Variants in SGK3 observed in about 807,000 individuals in gnomAD.
SGK3 encodes serine/threonine-protein kinase Sgk3.
In SGK3, 47 loss-of-function variants were observed where a neutral mutation model predicts 68.5. That is an observed-to-expected ratio of 0.69 (90% CI 0.54 to 0.87). SGK3 has a LOEUF of 0.87. SGK3 is among the 40% of genes least tolerant of loss of function. The pLI is 0.00. For missense variants in SGK3, 479 were observed against 575.5 expected (o/e 0.83, Z 1.72); for synonymous variants, 181 against 189.1 (o/e 0.96, Z 0.35).
chr8:66,839,521 A>G (rs1464849799), intron 10 of SGK3, among the ~76,000 whole-genome samples: 4 of 52,170 alleles, frequency 7.7e-5, no homozygotes, highest in African/African-American at 3.0e-4. Context: ...ATATATATAT[A>G]TATATATATA....
At chr8:66,743,830 T>C (rs1185935357) in intron 1 of SGK3, among the ~76,000 whole-genome samples, 2 of 152,238 alleles carry the variant, frequency 1.3e-5, no homozygotes, top group Non-Finnish European at 2.9e-5. Context: ...TTTTTGTACT[T>C]GTCTCTAATT....
intron 6 of SGK3, among the ~76,000 whole-genome samples, chr8:66,825,831 C>A (rs915542768): frequency 2.6e-5 from 4 of 152,106 alleles, no homozygotes; most frequent in Admixed American, 2.6e-4. Context: ...TTGTCTAATT[C>A]GATATCCTAA....
rs983014517 is a variant in SGK3, at chr8:66,822,300, T to C, written c.330-72T>C. The C allele has an allele frequency of 6.4e-6, 9 of 1,396,388 alleles. No homozygotes were observed. In the East Asian group the frequency reaches 2.1e-4, roughly 33 times the overall value. The allele number at this position is 1,396,388 out of a possible 1,614,324, so 86.5% of individuals were successfully genotyped here. Reference sequence around the variant, plus strand: ...ACTAATATAGTTATTTCTATTTTGATTTTCATTTTAAAAGGGAGAAAGGCT... The same window carrying C: ...ACTAATATAGTTATTTCTATTTTGACTTTCATTTTAAAAGGGAGAAAGGCT... On this transcript the variant is annotated intron_variant, in intron 5 of 16. Coordinates refer to ENST00000521198, the MANE Select transcript of SGK3 (RefSeq NM_001033578.3).
chr8:66,746,219 C>T (rs1310197847), intron 1 of SGK3, among the ~76,000 whole-genome samples: 1 of 152,146 alleles, frequency 6.6e-6, no homozygotes, highest in Non-Finnish European at 1.5e-5. Context: ...TAGGTTTCGC[C>T]CTCCAACCTC....
chr8:66,738,501 C>T (rs963308207), intron 1 of SGK3, among the ~76,000 whole-genome samples: 2 of 152,210 alleles, frequency 1.3e-5, no homozygotes, highest in Non-Finnish European at 2.9e-5. Flanking sequence ...TGCTTATCTA[C>T]TGGCATTCCC....
chr8:66,780,048 A>G (rs1034026839), intron 1 of SGK3, among the ~76,000 whole-genome samples: 1 of 152,204 alleles, frequency 6.6e-6, no homozygotes, highest in Non-Finnish European at 1.5e-5. Context: ...AAATGAGGGT[A>G]CACATGCTGA....
intron 1 of SGK3, among the ~76,000 whole-genome samples, chr8:66,779,595 TATATATAA>T (rs1285021032): frequency 1.3e-4 from 16 of 123,496 alleles, no homozygotes; most frequent in East Asian, 6.4e-4. Context: ...TATATATATA[TATATATAA>T]AACACATTTT....
intron 15 of SGK3, among the ~76,000 whole-genome samples, chr8:66,847,807 T>G (rs1810095381): frequency 6.6e-6 from 1 of 152,070 alleles, no homozygotes; most frequent in South Asian, 2.1e-4. Flanking sequence ...TAGCAGGAAT[T>G]TGTTAAGTGC....
At chr8:66,829,831 C>T (rs1303458947) in intron 7 of SGK3, among the ~76,000 whole-genome samples, 4 of 149,970 alleles carry the variant, frequency 2.7e-5, no homozygotes, top group African/African-American at 9.8e-5. Flanking sequence ...TTCTGTTGTT[C>T]ATAGCATTGA....
At chr8:66,756,404 T>C (rs924816747) in intron 1 of SGK3, among the ~76,000 whole-genome samples, 2 of 151,686 alleles carry the variant, frequency 1.3e-5, no homozygotes, top group East Asian at 3.9e-4. Flanking sequence ...CAGAGGAGGG[T>C]TATGTGGGCT....
chr8:66,849,592 TA>T (rs368946792), intron 15 of SGK3, among the ~76,000 whole-genome samples: 62 of 145,990 alleles, frequency 4.2e-4, no homozygotes, highest in Admixed American at 8.8e-4. Context: ...TTTGGGGGAA[TA>T]TTTTTTTTTT....
At chr8:66,805,800 T>G (rs1310552984) in intron 4 of SGK3, among the ~76,000 whole-genome samples, 1 of 152,208 alleles carries the variant, frequency 6.6e-6, no homozygotes, top group East Asian at 1.9e-4. Context: ...CTTGTAACCT[T>G]GTAACTGGTT....
intron 8 of SGK3, among the ~76,000 whole-genome samples, chr8:66,832,029 A>G (rs892413023): frequency 1.3e-5 from 2 of 152,176 alleles, no homozygotes; most frequent in Admixed American, 6.5e-5. Context: ...ATGACAAAGG[A>G]CAATAGGCAG....
intron 16 of SGK3, 22 bp downstream of exon 16, chr8:66,850,942 T>C: frequency 1.3e-6 from 2 of 1,584,092 alleles, no homozygotes; most frequent in Non-Finnish European, 1.7e-6. Flanking sequence ...TCCAAATCTT[T>C]CTTTCTAGAA....
Position 66,777,768 on chromosome 8 carries a change from A to T in SGK3, c.-121-15848A>T, listed in dbSNP as rs540748898. Among the ~76,000 whole-genome samples, 815 of 152,366 alleles carry T rather than the reference A, an allele frequency of 5.3e-3. 10 individuals are homozygous for T. Among genetic ancestry groups the T allele is most frequent in the African/African-American group, 0.018 (732 of 41,584 alleles). ...TTCAGAATTCCCTACAACATGATTT[A>T]AAGCCCACTTTTACAGTCTGTATCT... is the stretch of plus-strand genomic sequence containing the variant. On this transcript the variant is annotated intron_variant, in intron 1 of 16. Transcript: ENST00000521198.
Position 66,798,420 on chromosome 8 carries a change from G to A in SGK3, c.97-122G>A, listed in dbSNP as rs1031596353. On this transcript the variant is annotated intron_variant, in intron 2 of 16. Transcript: ENST00000521198. ...TTCGGAATATGAAAACATCAGCCTT[G>A]GTGAAAGAGCCAGACTGTCTCAAAA... is the stretch of plus-strand genomic sequence containing the variant. 3.6e-5 allele frequency: 25 copies of A among 699,110 alleles called. No individual in the cohort carries two copies. The African/African-American group carries it at 4.0e-4, about 11-fold the overall frequency. 43.3% of individuals were successfully genotyped at this position (699,110 alleles called of 1,614,324 possible).
At chr8:66,725,205 G>A (rs1169384529) in intron 1 of SGK3, among the ~76,000 whole-genome samples, 3 of 152,000 alleles carry the variant, frequency 2.0e-5, no homozygotes, top group Non-Finnish European at 4.4e-5. Flanking sequence ...CTCCAGCCTG[G>A]GCGACAGAGT....
At chr8:66,830,107 C>T (rs1809246818) in intron 7 of SGK3, among the ~76,000 whole-genome samples, 1 of 152,082 alleles carries the variant, frequency 6.6e-6, no homozygotes, top group Non-Finnish European at 1.5e-5. Flanking sequence ...CTGCTTGCCT[C>T]AGTCTCCCAA....
chr8:66,717,388 G>A (rs1001623410), intron 1 of SGK3, among the ~76,000 whole-genome samples: 7 of 152,046 alleles, frequency 4.6e-5, no homozygotes, highest in African/African-American at 1.7e-4. Context: ...AATTAGCTGG[G>A]GATGGTGGCG....
Sources: allele counts gnomAD v4.1 joint callset (sites outside exome capture counted in the v4.1 genomes callset), GRCh38; gene constraint gnomAD v4.1.1; transcripts MANE v1.5; gene names NCBI Gene and HGNC (gene_info 2026-07-23, HGNC 2026-07-21).